NRXN3: variants seen among roughly 807,000 people sequenced by gnomAD.
NRXN3 encodes neurexin 3.
A neutral mutation model predicts 137.6 loss-of-function variants in NRXN3; 32 were observed. The observed-to-expected ratio is 0.23, with a 90% CI of 0.18 to 0.31. NRXN3 has a LOEUF of 0.31. Ranked by LOEUF, NRXN3 falls within the 10% of genes least tolerant of loss-of-function variation. NRXN3 has a pLI of 1.00. For missense variants in NRXN3, 1,574 were observed against 2,062.5 expected (o/e 0.76, Z 4.59); for synonymous variants, 798 against 784.5 (o/e 1.02, Z -0.29).
chr14:78,220,928 A>G (rs1482868682), intron 1 of NRXN3, among the ~76,000 whole-genome samples: 3 of 152,110 alleles, frequency 2.0e-5, no homozygotes, highest in Non-Finnish European at 4.4e-5. Context: ...AGGAAGGGGA[A>G]AAGGGTTTAG....
chr14:78,796,169 T>C (rs1024938685), intron 8 of NRXN3, among the ~76,000 whole-genome samples: 2 of 152,202 alleles, frequency 1.3e-5, no homozygotes, highest in African/African-American at 2.4e-5. Context: ...TCTATACCAA[T>C]TGTGGCAGAC....
chr14:79,867,947 T>C lies in NRXN3; in HGVS notation c.*5983T>C, dbSNP rs1422934044. The C allele has an allele frequency of 9.4e-6, 1 of 105,862 alleles. No individual in the cohort carries two copies. Among genetic ancestry groups the C allele is most frequent in the African/African-American group, 3.8e-5 (1 of 26,346 alleles). The allele number at this position is 105,862 out of a possible 1,614,324, so 6.6% of individuals were successfully genotyped here. A position where few individuals can be genotyped will look rare whatever the true frequency, so the allele number is the denominator to read the frequency against. Reference sequence around the variant, plus strand: ...ATGTATTAAATGAGTAGAGTGAATTTCAAGATATCTGAGTTTTTTTTTTTT... The same window carrying C: ...ATGTATTAAATGAGTAGAGTGAATTCCAAGATATCTGAGTTTTTTTTTTTT... On this transcript the variant is annotated 3_prime_UTR_variant, in exon 21 of 21. Transcript: ENST00000335750.
chr14:79,686,502 C>T (rs2098695609), intron 17 of NRXN3, among the ~76,000 whole-genome samples: 2 of 152,120 alleles, frequency 1.3e-5, no homozygotes, highest in Admixed American at 6.5e-5. Context: ...GCTCTCTCAA[C>T]TCCCAACCTC....
intron 4 of NRXN3, among the ~76,000 whole-genome samples, chr14:78,302,871 C>A (rs2077008685): frequency 6.6e-6 from 1 of 152,202 alleles, no homozygotes. Flanking sequence ...TCTCTTGCAT[C>A]TCTGCTGTCA....
chr14:79,387,704 C>G (rs1035759636), intron 15 of NRXN3, among the ~76,000 whole-genome samples: 2 of 151,586 alleles, frequency 1.3e-5, no homozygotes, highest in African/African-American at 4.8e-5. Context: ...GGAACCAAGC[C>G]AAATGTCCAA....
chr14:79,293,275 T>C (rs572254225), intron 15 of NRXN3, among the ~76,000 whole-genome samples: 5 of 152,322 alleles, frequency 3.3e-5, no homozygotes, highest in African/African-American at 1.2e-4. Flanking sequence ...CACCAAGTTC[T>C]CCAGGCCCTG....
chr14:79,708,638 T>G (rs2098790877), intron 19 of NRXN3, among the ~76,000 whole-genome samples: 2 of 152,146 alleles, frequency 1.3e-5, no homozygotes, highest in Admixed American at 1.3e-4. Flanking sequence ...GGGTGGGATG[T>G]GGTTTCATAC....
At chr14:79,726,604 C>G (rs570892175) in intron 19 of NRXN3, among the ~76,000 whole-genome samples, 39 of 152,152 alleles carry the variant, frequency 2.6e-4, no homozygotes, top group African/African-American at 7.7e-4. Context: ...TACCTGCTTC[C>G]CCCAGTAGAG....
chr14:79,689,449 A>G (rs574228750), intron 17 of NRXN3, among the ~76,000 whole-genome samples: 1 of 152,240 alleles, frequency 6.6e-6, no homozygotes, highest in African/African-American at 2.4e-5. Context: ...AGAACATGAA[A>G]AGAGACTAAG....
intron 16 of NRXN3, among the ~76,000 whole-genome samples, chr14:79,496,256 G>GACACAC (rs72461338): frequency 5.7e-5 from 8 of 140,342 alleles, no homozygotes; most frequent in Middle Eastern, 3.6e-3. Context: ...CACACACACA[G>GACACAC]ACACACACAC....
chr14:78,688,416 T>A (rs1318582761), intron 6 of NRXN3, among the ~76,000 whole-genome samples: 20 of 152,062 alleles, frequency 1.3e-4, no homozygotes. Context: ...TGCTGAGAGG[T>A]CAAGGAAAAT....
At chr14:78,252,045 C>G (rs928631601) in intron 2 of NRXN3, among the ~76,000 whole-genome samples, 1 of 152,090 alleles carries the variant, frequency 6.6e-6, no homozygotes, top group African/African-American at 2.4e-5. Context: ...TTTGAGTGAT[C>G]TATTTAAAAA....
intron 15 of NRXN3, among the ~76,000 whole-genome samples, chr14:78,998,674 C>G (rs973726763): frequency 4.0e-5 from 6 of 150,696 alleles, no homozygotes; most frequent in Non-Finnish European, 8.8e-5. Flanking sequence ...TCTCGGCTCA[C>G]TGCAACATCC....
chr14:79,397,358 C>T (rs181914802), intron 15 of NRXN3, among the ~76,000 whole-genome samples: 2 of 152,292 alleles, frequency 1.3e-5, no homozygotes, highest in East Asian at 1.9e-4. Context: ...GATAACAAGA[C>T]CCATGTCTTA....
chr14:78,688,133 C>A (rs1263014516), intron 6 of NRXN3, among the ~76,000 whole-genome samples: 1 of 152,128 alleles, frequency 6.6e-6, no homozygotes, highest in East Asian at 1.9e-4. Context: ...TAAATTTGAG[C>A]ATCCACAACA....
chr14:79,224,342 A>G (rs2153234182), intron 15 of NRXN3, among the ~76,000 whole-genome samples: 1 of 152,330 alleles, frequency 6.6e-6, no homozygotes, highest in African/African-American at 2.4e-5. Flanking sequence ...CATTGTCAAT[A>G]TGAAGCACAG....
At chr14:78,322,373 C>G (rs1252910774) in intron 4 of NRXN3, among the ~76,000 whole-genome samples, 1 of 151,988 alleles carries the variant, frequency 6.6e-6, no homozygotes, top group East Asian at 1.9e-4. Context: ...TTTGAACATC[C>G]TTTGCCTTGC....
intron 16 of NRXN3, among the ~76,000 whole-genome samples, chr14:79,585,899 AT>A (rs899976940): frequency 1.7e-4 from 26 of 152,216 alleles, no homozygotes; most frequent in African/African-American, 6.3e-4. Flanking sequence ...TGACTTATTA[AT>A]TACCATGCCC....
At chr14:78,250,071 G>A (rs1486079893) in intron 2 of NRXN3, 4 of 516,164 alleles carry the variant, frequency 7.7e-6, no homozygotes, top group African/African-American at 5.8e-5. Context: ...CTCTTGACAT[G>A]CGATTATGAT....
Sources: gnomAD v4.1 joint callset for allele counts (sites outside exome capture counted in the v4.1 genomes callset) on GRCh38, gnomAD v4.1.1 for gene constraint, MANE v1.5 for transcripts, NCBI Gene and HGNC (gene_info 2026-07-23, HGNC 2026-07-21) for gene names.